Variants in ZFHX4 observed in about 807,000 individuals in gnomAD.
The protein encoded by ZFHX4 is zinc finger homeobox protein 4.
ZFHX4 carries 56 observed loss-of-function variants against 267.6 expected under a neutral mutation model. The ratio of observed to expected loss-of-function variants is 0.21; its 90% CI spans 0.17 to 0.26. ZFHX4 has a LOEUF of 0.26. ZFHX4 is among the 10% of genes least tolerant of loss of function. ZFHX4 has a pLI of 1.00. For synonymous variants in ZFHX4, 1,778 were observed against 1,665.6 expected, an observed-to-expected ratio of 1.07 and a Z score of -1.64; for missense variants, 4,332 against 4,420.0, an observed-to-expected ratio of 0.98 and a Z score of 0.56.
At chr8:76,837,896 A>G (rs191924294) in intron 5 of ZFHX4, among the ~76,000 whole-genome samples, 2 of 152,312 alleles carry the variant, frequency 1.3e-5, no homozygotes, top group Admixed American at 6.5e-5. Context: ...GAAAAAAACA[A>G]TAGTACTCAA....
At chr8:76,728,946 C>G (rs1284336250) in intron 3 of ZFHX4, among the ~76,000 whole-genome samples, 2 of 152,070 alleles carry the variant, frequency 1.3e-5, no homozygotes, top group Non-Finnish European at 1.5e-5. Flanking sequence ...GAGACTTGAC[C>G]TCCAAATAAT....
Position 76,705,156 on chromosome 8 carries a change from C to G in ZFHX4, c.1068C>G (p.Pro356=), listed in dbSNP as rs752217978. The G allele has an allele frequency of 2.5e-6, 4 of 1,613,842 alleles. No individual in the cohort carries two copies. Among genetic ancestry groups the G allele is most frequent in the Middle Eastern group, 3.3e-4 (2 of 6,060 alleles). The change falls in exon 2 of 11, where the codon CCC becomes CCG. Residue 356 remains proline, a synonymous_variant. Coordinates refer to ENST00000651372, the MANE Select transcript of ZFHX4 (RefSeq NM_024721.5). The stretch of plus-strand genomic sequence containing the variant: ...TTTCTACTACAAACCTCATAGGACC[C>G]GATCCAACCTTCCGCGGTTTATGGA... ...PHFSTTNLIG[P]DPTFRGLWSA...
chr8:76,839,928 C>G (rs768904457), intron 5 of ZFHX4, among the ~76,000 whole-genome samples: 3 of 152,158 alleles, frequency 2.0e-5, no homozygotes, highest in Non-Finnish European at 4.4e-5. Flanking sequence ...ACTCTAAAGT[C>G]TATTTATACA....
At chr8:76,783,122 A>G (rs567775242) in intron 4 of ZFHX4, among the ~76,000 whole-genome samples, 2 of 152,152 alleles carry the variant, frequency 1.3e-5, no homozygotes, top group African/African-American at 2.4e-5. Context: ...ACGAAATGGC[A>G]TCATTTTCAA....
In ZFHX4 at chr8:76,824,225, T is replaced by A. The variant is rs185247371; in HGVS notation, c.3326-9113T>A. Among the ~76,000 whole-genome samples, 2 of 152,336 alleles carry A rather than the reference T, an allele frequency of 1.3e-5. 1 individual carries two copies. Among genetic ancestry groups the A allele is most frequent in the Admixed American group, 1.3e-4 (2 of 15,300 alleles). On this transcript the variant is annotated intron_variant, in intron 4 of 10. Coordinates refer to ENST00000651372, the MANE Select transcript of ZFHX4 (RefSeq NM_024721.5). ...ATCTATCTTTGGTTTCATTATGAAT[T>A]GTTTTCAAGAAAAATAAATGTTTTG...
At chr8:76,730,922 C>T (rs987189668) in intron 3 of ZFHX4, among the ~76,000 whole-genome samples, 13 of 152,092 alleles carry the variant, frequency 8.5e-5, no homozygotes, top group African/African-American at 3.1e-4. Context: ...CACAACAGCC[C>T]ACTGAAGTAC....
chr8:76,725,516 GA>G (rs1167175667), intron 3 of ZFHX4, among the ~76,000 whole-genome samples: 1 of 151,976 alleles, frequency 6.6e-6, no homozygotes, highest in African/African-American at 2.4e-5. Flanking sequence ...CCCACAGAGT[GA>G]AAAAGTTAGA....
At chr8:76,782,056 T>C (rs1435967377) in intron 4 of ZFHX4, 1 of 357,102 alleles carries the variant, frequency 2.8e-6, no homozygotes, top group Non-Finnish European at 5.6e-6. Context: ...TAATCTCAAA[T>C]ATGTAAATGG....
At chr8:76,830,431 C>T (rs1459314246) in intron 4 of ZFHX4, among the ~76,000 whole-genome samples, 9 of 152,120 alleles carry the variant, frequency 5.9e-5, no homozygotes, top group African/African-American at 2.2e-4. Context: ...ATCGTGTTAA[C>T]AGCAGTCAGA....
rs1809510665 is a variant in ZFHX4 at position 76,748,101 on chromosome 8, T to C, written c.3094-30107T>C. ...ATCTTAACTACTCGTATGATGTTAA[T>C]AGTCATTTTATATGTTTGCAAAATC... is the stretch of plus-strand genomic sequence containing the variant. On this transcript the variant is annotated intron_variant, in intron 3 of 10. Transcript: ENST00000651372. 1.3e-5 allele frequency among the ~76,000 whole-genome samples: 2 copies of C among 152,222 alleles called. 1 individual carries two copies. The highest frequency in any genetic ancestry group is 4.1e-4 in the South Asian group (2 of 4,834).
intron 3 of ZFHX4, among the ~76,000 whole-genome samples, chr8:76,753,670 T>G (rs565205391): frequency 4.8e-4 from 66 of 138,196 alleles, no homozygotes; most frequent in African/African-American, 1.7e-3. Flanking sequence ...GGTCTCACAC[T>G]GTCACCAAGG....
At chr8:76,779,486 A>G (rs1434863915) in intron 4 of ZFHX4, among the ~76,000 whole-genome samples, 1 of 152,160 alleles carries the variant, frequency 6.6e-6, no homozygotes, top group Non-Finnish European at 1.5e-5. Context: ...AAATCAAATC[A>G]GCATCAGTGA....
At chr8:76,688,713 T>C (rs1807752626) in intron 1 of ZFHX4, among the ~76,000 whole-genome samples, 1 of 152,154 alleles carries the variant, frequency 6.6e-6, no homozygotes, top group Non-Finnish European at 1.5e-5. Flanking sequence ...TGTACCTATG[T>C]AAATCAAATG....
intron 4 of ZFHX4, among the ~76,000 whole-genome samples, chr8:76,832,319 G>A (rs779090382): frequency 1.3e-5 from 2 of 151,834 alleles, no homozygotes; most frequent in Non-Finnish European, 2.9e-5. Flanking sequence ...ACCTTTAGTT[G>A]TATTATTTTC....
At chr8:76,805,857 G>GA (rs562803414) in intron 4 of ZFHX4, among the ~76,000 whole-genome samples, 12 of 149,162 alleles carry the variant, frequency 8.0e-5, no homozygotes, top group Non-Finnish European at 1.3e-4. Context: ...GCCTTTAGGG[G>GA]AAAAAAAAAG....
At chr8:76,786,209 T>A (rs930839820) in intron 4 of ZFHX4, among the ~76,000 whole-genome samples, 1 of 152,010 alleles carries the variant, frequency 6.6e-6, no homozygotes, top group African/African-American at 2.4e-5. Flanking sequence ...TGAGCAGACG[T>A]TTTGAGACAG....
In ZFHX4 at chr8:76,773,155, G is replaced by A. The variant is rs73693409; in HGVS notation, c.3094-5053G>A. ...AAATCGAGGAAGGATTTAAGAAAAA[G>A]CAGTGGATCCTGCTACCTTCTCAAA... On this transcript the variant is annotated intron_variant, in intron 3 of 10. Coordinates refer to ENST00000651372, the MANE Select transcript of ZFHX4 (RefSeq NM_024721.5). Among the ~76,000 whole-genome samples the A allele has an allele frequency of 5.1e-3, 779 of 152,222 alleles. 6 individuals are homozygous for A. The highest frequency in any genetic ancestry group is 0.017 in the African/African-American group (725 of 41,534).
Position 76,852,554 on chromosome 8 carries a change from G to T in ZFHX4, c.5633G>T (p.Gly1878Val). Residue 1878 changes from glycine to valine, a missense_variant, in exon 10 of 11, where the codon GGA becomes GTA. By Grantham distance (109) the Gly-to-Val change is moderately radical. Around this residue, in one of 7 missense-constraint regions of ZFHX4, gnomAD observed 1,371 missense variants for 1,423.1 expected, o/e 0.96. Coordinates refer to ENST00000651372, the MANE Select transcript of ZFHX4 (RefSeq NM_024721.5). ...PKQEFISEGEGLKEGKDTKKQ... is the reference protein window; with the variant it reads ...PKQEFISEGEVLKEGKDTKKQ... ...CAGGAATTTATAAGTGAAGGTGAAG[G>T]ACTCAAAGAAGGCAAAGACACAAAG... is the stretch of plus-strand genomic sequence containing the variant. 2 of 1,611,062 alleles carry T rather than the reference G, an allele frequency of 1.2e-6. No individual in the cohort carries two copies. The highest frequency in any genetic ancestry group is 1.7e-6 in the Non-Finnish European group (2 of 1,178,474).
intron 3 of ZFHX4, among the ~76,000 whole-genome samples, chr8:76,727,776 G>A (rs1808891622): frequency 6.6e-6 from 1 of 152,190 alleles, no homozygotes; most frequent in African/African-American, 2.4e-5. Flanking sequence ...AGTAGTGCCT[G>A]TGATATTTGA....
Sources: gnomAD v4.1 joint callset for allele counts (sites outside exome capture counted in the v4.1 genomes callset) on GRCh38, gnomAD v4.1.1 for gene constraint, gnomAD v4.1.1 regional missense constraint, MANE v1.5 for transcripts, NCBI Gene and HGNC (gene_info 2026-07-23, HGNC 2026-07-21) for gene names.